CTNNA3: variants seen among roughly 807,000 people sequenced by gnomAD.
CTNNA3 encodes catenin alpha-3.
In CTNNA3, 76 loss-of-function variants were observed where a neutral mutation model predicts 95.7. The ratio of observed to expected loss-of-function variants is 0.79; its 90% CI spans 0.66 to 0.96. CTNNA3 has a LOEUF of 0.96. Ranked by LOEUF, CTNNA3 falls within the 40% of genes least tolerant of loss-of-function variation. The pLI is 0.00. For synonymous variants in CTNNA3, 431 were observed against 374.4 expected, an observed-to-expected ratio of 1.15 and a Z score of -1.74; for missense variants, 1,191 against 1,089.8, an observed-to-expected ratio of 1.09 and a Z score of -1.31.
intron 10 of CTNNA3, among the ~76,000 whole-genome samples, chr10:66,564,881 T>C (rs1842658630): frequency 6.6e-6 from 1 of 152,178 alleles, no homozygotes; most frequent in African/African-American, 2.4e-5. Context: ...AGAAATGAGT[T>C]GCTCTTCAGT....
intron 15 of CTNNA3, among the ~76,000 whole-genome samples, chr10:66,028,600 TGGGGGAA>T (rs2079387929): frequency 6.9e-6 from 1 of 144,382 alleles, no homozygotes; most frequent in African/African-American, 2.6e-5. Context: ...TGTTGTGGGG[TGGGGGAA>T]GGGGGGAGGG....
intron 5 of CTNNA3, among the ~76,000 whole-genome samples, chr10:67,274,630 C>G (rs890605776): frequency 3.9e-5 from 6 of 152,032 alleles, no homozygotes; most frequent in African/African-American, 1.4e-4. Context: ...GAATTCAAGA[C>G]CAGCCTGGGC....
chr10:67,448,055 A>G (rs1241286579), intron 5 of CTNNA3, among the ~76,000 whole-genome samples: 1 of 152,236 alleles, frequency 6.6e-6, no homozygotes, highest in African/African-American at 2.4e-5. Context: ...GCAAGAATTT[A>G]TGATAGCTGA....
At chr10:67,718,635 C>G (rs959204775) in intron 1 of CTNNA3, among the ~76,000 whole-genome samples, 1 of 152,132 alleles carries the variant, frequency 6.6e-6, no homozygotes, top group Non-Finnish European at 1.5e-5. Flanking sequence ...GTTGAACGAG[C>G]CTTGCATCCC....
intron 14 of CTNNA3, among the ~76,000 whole-genome samples, chr10:66,081,593 T>C (rs190142040): frequency 2.6e-5 from 4 of 152,278 alleles, no homozygotes; most frequent in Admixed American, 2.0e-4. Context: ...CTACAATAAA[T>C]ATCCATGAGT....
At chr10:66,771,484 A>G (rs1176426224) in intron 8 of CTNNA3, among the ~76,000 whole-genome samples, 1 of 152,206 alleles carries the variant, frequency 6.6e-6, no homozygotes, top group Non-Finnish European at 1.5e-5. Flanking sequence ...TTTAAAACAA[A>G]TAATAAAGAA....
chr10:67,584,697 G>T (rs1436242516), intron 3 of CTNNA3, among the ~76,000 whole-genome samples: 3 of 152,214 alleles, frequency 2.0e-5, no homozygotes, highest in Non-Finnish European at 2.9e-5. Context: ...AGGCCTCCTT[G>T]AGCTGCAGTG....
intron 12 of CTNNA3, among the ~76,000 whole-genome samples, chr10:66,315,998 C>A (rs1316524095): frequency 6.6e-6 from 1 of 152,058 alleles, no homozygotes; most frequent in East Asian, 1.9e-4. Context: ...TTAACACAAC[C>A]AATTTTAACG....
At chr10:67,227,570 G>A (rs1045015285) in intron 5 of CTNNA3, among the ~76,000 whole-genome samples, 3 of 152,020 alleles carry the variant, frequency 2.0e-5, no homozygotes, top group East Asian at 1.9e-4. Context: ...ATAGATCTAC[G>A]CAATGAGATA....
intron 5 of CTNNA3, among the ~76,000 whole-genome samples, chr10:67,454,872 T>C (rs1847114695): frequency 6.6e-6 from 1 of 152,200 alleles, no homozygotes; most frequent in African/African-American, 2.4e-5. Flanking sequence ...ATTCAATCTA[T>C]TTTGTGCAAA....
chr10:65,984,194 T>C (rs1356479036), intron 16 of CTNNA3, among the ~76,000 whole-genome samples: 1 of 151,270 alleles, frequency 6.6e-6, no homozygotes, highest in African/African-American at 2.4e-5. Flanking sequence ...CAACCAATGT[T>C]CCAGCAGATT....
At chr10:66,121,801 A>C (rs2082593131) in intron 13 of CTNNA3, among the ~76,000 whole-genome samples, 1 of 152,148 alleles carries the variant, frequency 6.6e-6, no homozygotes, top group South Asian at 2.1e-4. Context: ...ACACCACTGC[A>C]CTCCACCTGT....
At chr10:66,253,814 T>C (rs1053091629) in intron 13 of CTNNA3, among the ~76,000 whole-genome samples, 1 of 152,130 alleles carries the variant, frequency 6.6e-6, no homozygotes, top group Non-Finnish European at 1.5e-5. Context: ...TTATAGTGAT[T>C]CCAACAGAAA....
chr10:66,550,487 G>T (rs1428879823), intron 10 of CTNNA3, among the ~76,000 whole-genome samples: 1 of 152,028 alleles, frequency 6.6e-6, no homozygotes, highest in Non-Finnish European at 1.5e-5. Flanking sequence ...ACACAACCGT[G>T]ACCATTCATT....
intron 11 of CTNNA3, among the ~76,000 whole-genome samples, chr10:66,514,762 A>G (rs1378325319): frequency 6.6e-6 from 1 of 152,180 alleles, no homozygotes; most frequent in Non-Finnish European, 1.5e-5. Context: ...AAACCCTTAT[A>G]TTTAATCAGT....
chr10:67,395,978 C>T (rs917885154), intron 5 of CTNNA3, among the ~76,000 whole-genome samples: 4 of 152,050 alleles, frequency 2.6e-5, no homozygotes, highest in Non-Finnish European at 5.9e-5. Context: ...GTATTATTAA[C>T]AGTAAATATT....
intron 1 of CTNNA3, among the ~76,000 whole-genome samples, chr10:67,715,251 A>G (rs181855521): frequency 1.3e-5 from 2 of 152,332 alleles, no homozygotes; most frequent in Non-Finnish European, 2.9e-5. Context: ...AATGGTAGCT[A>G]TTTTTAATCA....
intron 11 of CTNNA3, among the ~76,000 whole-genome samples, chr10:66,430,610 C>G (rs968426378): frequency 9.2e-5 from 14 of 152,158 alleles, no homozygotes; most frequent in African/African-American, 3.1e-4. Flanking sequence ...ACATCTACAA[C>G]TATCTGATCT....
rs562727067 is a variant in CTNNA3, at chr10:67,501,742, C to T, written c.579+20100G>A. On this transcript the variant is annotated intron_variant, in intron 5 of 17. Coordinates refer to ENST00000433211, the MANE Select transcript of CTNNA3 (RefSeq NM_013266.4). ...CTTCAATCTCTGATATCTTTTCTTC[C>T]GCTTGATCGATTCAGCTATTGATCC... Among the ~76,000 whole-genome samples, 437 of 152,092 alleles carry T rather than the reference C, an allele frequency of 2.9e-3. 1 individual carries two copies. Among genetic ancestry groups the T allele is most frequent in the Non-Finnish European group, 4.4e-3 (298 of 67,974 alleles).
Sources: allele counts gnomAD v4.1 joint callset (sites outside exome capture counted in the v4.1 genomes callset), GRCh38; gene constraint gnomAD v4.1.1; transcripts MANE v1.5; gene names NCBI Gene and HGNC (gene_info 2026-07-23, HGNC 2026-07-21).